GALNT2: variants seen among roughly 807,000 people sequenced by gnomAD.
GALNT2 encodes polypeptide N-acetylgalactosaminyltransferase 2.
A neutral mutation model predicts 81.4 loss-of-function variants in GALNT2; 31 were observed. That is an observed-to-expected ratio of 0.38 (90% CI 0.29 to 0.51). GALNT2 has a LOEUF of 0.51. Among genes scored for constraint, GALNT2 ranks in the 20% least tolerant of loss-of-function variants. The pLI is 0.87. For missense variants in GALNT2, 629 were observed against 765.7 expected, an observed-to-expected ratio of 0.82 and a Z score of 2.11; for synonymous variants, 303 against 287.4, an observed-to-expected ratio of 1.05 and a Z score of -0.55.
intron 1 of GALNT2, among the ~76,000 whole-genome samples, chr1:230,128,903 G>A (rs1160382546): frequency 1.3e-5 from 2 of 152,228 alleles, no homozygotes; most frequent in Non-Finnish European, 2.9e-5. Context: ...ACTGTTGAGA[G>A]CAGCTCAGCC....
At chr1:230,219,656 C>A (rs1456242247) in intron 3 of GALNT2, among the ~76,000 whole-genome samples, 7 of 152,150 alleles carry the variant, frequency 4.6e-5, no homozygotes. Flanking sequence ...GCCGGTCCTG[C>A]CTCCGCCACC....
At chr1:230,216,539 A>C (rs1664395061) in intron 3 of GALNT2, among the ~76,000 whole-genome samples, 2 of 152,216 alleles carry the variant, frequency 1.3e-5, no homozygotes, top group African/African-American at 4.8e-5. Flanking sequence ...CCTGGGCTCA[A>C]GCCATCCCCC....
chr1:230,254,217 A>G (rs1242530226), intron 10 of GALNT2, among the ~76,000 whole-genome samples: 1 of 152,216 alleles, frequency 6.6e-6, no homozygotes, highest in African/African-American at 2.4e-5. Context: ...TGATAAGGGC[A>G]GGTACCTGGT....
At chr1:230,094,078 A>T (rs1353879988) in intron 1 of GALNT2, among the ~76,000 whole-genome samples, 2 of 151,614 alleles carry the variant, frequency 1.3e-5, no homozygotes, top group Middle Eastern at 3.4e-3. Context: ...CATCACTGCA[A>T]CCTCGATCTC....
At chr1:230,117,009 T>A (rs921016957) in intron 1 of GALNT2, among the ~76,000 whole-genome samples, 7 of 152,190 alleles carry the variant, frequency 4.6e-5, no homozygotes, top group African/African-American at 1.7e-4. Context: ...CTTCTTCCAA[T>A]AGAAGGCTGC....
intron 3 of GALNT2, among the ~76,000 whole-genome samples, chr1:230,222,184 G>A (rs1160641310): frequency 2.0e-5 from 3 of 151,550 alleles, no homozygotes; most frequent in Non-Finnish European, 2.9e-5. Flanking sequence ...CCACCACCAC[G>A]CCCGGCTAAT....
chr1:230,130,084 T>C (rs1661320720), intron 1 of GALNT2, among the ~76,000 whole-genome samples: 1 of 152,248 alleles, frequency 6.6e-6, no homozygotes. Context: ...CTCTTGTCTC[T>C]GAAGCTTTGA....
chr1:230,159,762 A>G (rs375179199), intron 1 of GALNT2, among the ~76,000 whole-genome samples: 91 of 151,892 alleles, frequency 6.0e-4, no homozygotes, highest in African/African-American at 2.1e-3. Context: ...TACCTTGTCT[A>G]CCTCCCCCCA....
rs1369396734 is a variant in GALNT2, at chr1:230,275,982, CGT to C, written c.1560+1419_1560+1420del. Among the ~76,000 whole-genome samples, 8 of 75,912 alleles carry C rather than the reference CGT, an allele frequency of 1.1e-4. No individual in the cohort carries two copies. The East Asian group carries it at 1.1e-3, about 10-fold the overall frequency. 49.8% of individuals were successfully genotyped at this position (75,912 alleles called of 152,430 possible). On this transcript the variant is annotated intron_variant, in intron 15 of 15. Coordinates refer to ENST00000366672, the MANE Select transcript of GALNT2 (RefSeq NM_004481.5). This position sits in a 1 kb window ranked among gnomAD's most constrained non-coding sequence, Gnocchi z 5.5. Reference sequence around the variant, plus strand: ...TATATATACATGCCACATATATATACGTATATATACATGCCACATATATATAC... The same window carrying C: ...TATATATACATGCCACATATATATACATATATACATGCCACATATATATAC...
At chr1:230,126,286 C>CG (rs1468573265) in intron 1 of GALNT2, among the ~76,000 whole-genome samples, 2 of 152,164 alleles carry the variant, frequency 1.3e-5, no homozygotes, top group Non-Finnish European at 2.9e-5. Flanking sequence ...GCCAGTTCGG[C>CG]GGGGGCAGGC....
At chr1:230,112,116 G>T (rs767363362) in intron 1 of GALNT2, among the ~76,000 whole-genome samples, 3 of 152,182 alleles carry the variant, frequency 2.0e-5, no homozygotes, top group Non-Finnish European at 4.4e-5. Flanking sequence ...CCCAGTCCAT[G>T]GTGGCCACAG....
At chr1:230,068,669 T>G (rs1318204842) in intron 1 of GALNT2, among the ~76,000 whole-genome samples, 1 of 152,150 alleles carries the variant, frequency 6.6e-6, no homozygotes, top group Non-Finnish European at 1.5e-5. Flanking sequence ...TTTGCTTCAT[T>G]CATTCATTCA....
intron 1 of GALNT2, among the ~76,000 whole-genome samples, chr1:230,110,035 G>A (rs1177668168): frequency 6.6e-6 from 1 of 152,188 alleles, no homozygotes; most frequent in Non-Finnish European, 1.5e-5. Context: ...GTAGCACTGG[G>A]AGCCACGGCG....
At chr1:230,253,681 G>T (rs1253555798) in intron 10 of GALNT2, among the ~76,000 whole-genome samples, 1 of 152,090 alleles carries the variant, frequency 6.6e-6, no homozygotes, top group Admixed American at 6.6e-5. Context: ...ATGTTTTTGT[G>T]TTGGGAACAT....
intron 1 of GALNT2, among the ~76,000 whole-genome samples, chr1:230,107,058 G>A (rs1159774322): frequency 6.6e-6 from 1 of 152,230 alleles, no homozygotes; most frequent in East Asian, 1.9e-4. Context: ...CAGTGCAGAG[G>A]AATTCCACGC....
chr1:230,122,448 C>CA (rs1418209425), intron 1 of GALNT2, among the ~76,000 whole-genome samples: 2 of 152,200 alleles, frequency 1.3e-5, no homozygotes, highest in African/African-American at 4.8e-5. Context: ...GTGACCCCCT[C>CA]ATCTTTTCAA....
intron 6 of GALNT2, among the ~76,000 whole-genome samples, 197 bp downstream of exon 6, chr1:230,236,922 T>A (rs1572120837): frequency 6.6e-6 from 1 of 152,370 alleles, no homozygotes; most frequent in Middle Eastern, 3.4e-3. Context: ...ATTATTAGTA[T>A]ATTAGAGCAG....
At chr1:230,136,941 C>T (rs6541292) in intron 1 of GALNT2, among the ~76,000 whole-genome samples, 2 of 152,076 alleles carry the variant, frequency 1.3e-5, no homozygotes, top group Admixed American at 6.5e-5. Flanking sequence ...TTTCACCTCA[C>T]GGACAGCGAA....
At chr1:230,105,287 C>G (rs1001029231) in intron 1 of GALNT2, among the ~76,000 whole-genome samples, 4 of 152,248 alleles carry the variant, frequency 2.6e-5, no homozygotes, top group African/African-American at 9.6e-5. Context: ...TGAACACCCA[C>G]TGCTCTGTGG....
Sources: gnomAD v4.1 joint callset for allele counts (sites outside exome capture counted in the v4.1 genomes callset) on GRCh38, gnomAD v4.1.1 for gene constraint, Gnocchi (gnomAD v3.1) non-coding constraint, MANE v1.5 for transcripts, NCBI Gene and HGNC (gene_info 2026-07-23, HGNC 2026-07-21) for gene names.